CEP63: variants seen among roughly 807,000 people sequenced by gnomAD.
CEP63 encodes centrosomal protein of 63 kDa.
Under a neutral mutation model 89.1 loss-of-function variants are expected in CEP63, and 84 were observed. The ratio of observed to expected loss-of-function variants is 0.94; its 90% CI spans 0.79 to 1.13. CEP63 has a LOEUF of 1.13. Among genes scored for constraint, CEP63 ranks in the 50% most tolerant of loss-of-function variants. The probability of loss-of-function intolerance (pLI) is 0.00; values close to 1 mark genes in which losing one functional copy is unlikely to be tolerated. For missense variants in CEP63, 838 were observed against 813.3 expected (o/e 1.03, Z -0.37); for synonymous variants, 267 against 272.5 (o/e 0.98, Z 0.20).
At chr3:134,531,991 C>G (rs761395443) in intron 4 of CEP63, 51 bp downstream of exon 4, 1 of 1,296,506 alleles carries the variant, frequency 7.7e-7, no homozygotes, top group South Asian at 1.2e-5. Context: ...CTCTCTTTCA[C>G]CCTTGAGAAC....
chr3:134,646,914 A>G, the CEP63 span, among the ~76,000 whole-genome samples: 1 of 152,238 alleles, frequency 6.6e-6, no homozygotes, highest in African/African-American at 2.4e-5. Context: ...GTTACCACAG[A>G]GATCCTGGGC....
chr3:134,626,876 C>T, the CEP63 span, among the ~76,000 whole-genome samples: 8 of 152,190 alleles, frequency 5.3e-5, no homozygotes, highest in Admixed American at 2.6e-4. Context: ...CTGAGCCTTG[C>T]CTCTTTTCAG....
intron 1 of CEP63, among the ~76,000 whole-genome samples, chr3:134,487,617 A>C (rs1363430759): frequency 6.6e-6 from 1 of 152,224 alleles, no homozygotes; most frequent in African/African-American, 2.4e-5. Flanking sequence ...ACATTGACAG[A>C]AGGTTTCAGG....
chr3:134,580,622 A>G (rs981290566), intron 10 of CEP63, among the ~76,000 whole-genome samples: 16 of 152,234 alleles, frequency 1.1e-4, no homozygotes, highest in Non-Finnish European at 1.2e-4. Context: ...TTATGGACAA[A>G]TATTCCTCAT....
the CEP63 span, among the ~76,000 whole-genome samples, chr3:134,653,279 G>A: frequency 6.6e-6 from 1 of 152,332 alleles, no homozygotes; most frequent in East Asian, 1.9e-4. Context: ...CTTCCCTATT[G>A]TGAGAACTTA....
the CEP63 span, chr3:134,628,155 G>T: frequency 3.3e-6 from 1 of 301,640 alleles, no homozygotes; most frequent in Non-Finnish European, 6.3e-6. Context: ...GGAGTTTCCT[G>T]CTTTCTTGAA....
rs1955027387 is a variant in CEP63 at position 134,552,189 on chromosome 3, C to A, written c.1467+177C>A. The A allele has an allele frequency of 5.7e-5, 24 of 421,466 alleles. No homozygotes were observed. The South Asian group carries it at 6.1e-4, about 11-fold the overall frequency. The allele number at this position is 421,466 out of a possible 1,614,324, so 26.1% of individuals were successfully genotyped here. The stretch of plus-strand genomic sequence containing the variant: ...GTGAGCAAAATATGACTCTCCACTC[C>A]AGCAGCAGGAAGGGTTTTTGTTTGT... On this transcript the variant is annotated intron_variant, in intron 12 of 14. Coordinates refer to ENST00000675561, the MANE Select transcript of CEP63 (RefSeq NM_001353108.3).
the CEP63 span, among the ~76,000 whole-genome samples, chr3:134,655,407 C>A: frequency 6.6e-6 from 1 of 152,346 alleles, no homozygotes; most frequent in East Asian, 1.9e-4. Flanking sequence ...GCAGGAGTTA[C>A]GGCACAGCAC....
the CEP63 span, among the ~76,000 whole-genome samples, chr3:134,747,091 A>T: frequency 1.3e-3 from 136 of 103,736 alleles, no homozygotes; most frequent in African/African-American, 3.4e-3. Flanking sequence ...TCTTGAATTA[A>T]TTTTTGTATA....
chr3:134,673,811 G>T, the CEP63 span, among the ~76,000 whole-genome samples: 1 of 152,072 alleles, frequency 6.6e-6, no homozygotes, highest in South Asian at 2.1e-4. Context: ...TCTCCCTTCT[G>T]CAGGACAACC....
intron 2 of CEP63, among the ~76,000 whole-genome samples, chr3:134,499,458 C>A (rs567567680): frequency 6.6e-6 from 1 of 152,040 alleles, no homozygotes; most frequent in East Asian, 1.9e-4. Context: ...TTTAAAAAAC[C>A]AACTTTTTGT....
the CEP63 span, among the ~76,000 whole-genome samples, chr3:134,656,620 G>A: frequency 6.6e-6 from 1 of 152,234 alleles, no homozygotes; most frequent in South Asian, 2.1e-4. Context: ...AGACAGTCAA[G>A]CACCACATAC....
the CEP63 span, chr3:134,603,595 T>G: frequency 6.3e-7 from 1 of 1,583,886 alleles, no homozygotes; most frequent in East Asian, 2.2e-5. Flanking sequence ...GGCATTCACT[T>G]TGTATTTCAG....
the CEP63 span, among the ~76,000 whole-genome samples, chr3:134,619,580 C>A: frequency 1.3e-5 from 2 of 152,228 alleles, no homozygotes; most frequent in Non-Finnish European, 2.9e-5. Flanking sequence ...GCTCTGCACA[C>A]ATTTCCAGTG....
At chr3:134,504,187 A>G (rs564349955) in intron 2 of CEP63, among the ~76,000 whole-genome samples, 2 of 149,692 alleles carry the variant, frequency 1.3e-5, no homozygotes, top group Admixed American at 6.7e-5. Context: ...AGTGAGTCTT[A>G]TACTTTTTGT....
At chr3:134,759,673 G>A in the CEP63 span, among the ~76,000 whole-genome samples, 605 of 152,312 alleles carry the variant, frequency 4.0e-3, 2 homozygotes, top group African/African-American at 0.014. Flanking sequence ...TGATGTGTAA[G>A]CATGAAAGAC....
the CEP63 span, among the ~76,000 whole-genome samples, chr3:134,632,421 C>A: frequency 6.6e-6 from 1 of 151,700 alleles, no homozygotes; most frequent in Non-Finnish European, 1.5e-5. Context: ...TCCTCTTTGA[C>A]CAAAATGAAC....
the CEP63 span, among the ~76,000 whole-genome samples, chr3:134,671,730 G>C: frequency 6.6e-6 from 1 of 152,202 alleles, no homozygotes; most frequent in Non-Finnish European, 1.5e-5. Context: ...GTGAACAAAT[G>C]CTTTCTACAC....
chr3:134,765,057 C>T, the CEP63 span, among the ~76,000 whole-genome samples: 2 of 152,088 alleles, frequency 1.3e-5, no homozygotes, highest in Non-Finnish European at 2.9e-5. Context: ...ATAGCTAGGC[C>T]CCACCCCCAA....
Sources: allele counts gnomAD v4.1 joint callset (sites outside exome capture counted in the v4.1 genomes callset), GRCh38; gene constraint gnomAD v4.1.1; transcripts MANE v1.5; gene names NCBI Gene and HGNC (gene_info 2026-07-23, HGNC 2026-07-21).